The following CELF2 variants were observed in gnomAD, a reference collection of about 807,000 sequenced individuals.
CELF2 encodes CUGBP Elav-like family member 2, also known as CUG triplet repeat RNA-binding protein 2.
A neutral mutation model predicts 62.6 loss-of-function variants in CELF2; 8 were observed. The observed-to-expected ratio is 0.13, with a 90% CI of 0.07 to 0.23. CELF2 has a LOEUF of 0.23. CELF2 is among the 10% of genes least tolerant of loss of function. The pLI is 1.00. For missense variants in CELF2, 333 were observed against 671.0 expected (o/e 0.50, Z 5.56); for synonymous variants, 258 against 250.0 (o/e 1.03, Z -0.30).
chr10:10,509,714 A>G, the CELF2 span, among the ~76,000 whole-genome samples: 2 of 152,216 alleles, frequency 1.3e-5, no homozygotes, highest in African/African-American at 2.4e-5. Flanking sequence ...CTTGTCAAAG[A>G]GGCCCTTTGA....
rs1290115602 is a variant in CELF2 at position 11,075,879 on chromosome 10, T to G, written c.74+57716T>G. Among the ~76,000 whole-genome samples the G allele has an allele frequency of 6.6e-6, 1 of 152,164 alleles. No individual in the cohort carries two copies. The highest frequency in any genetic ancestry group is 6.5e-5 in the Admixed American group (1 of 15,270). On this transcript the variant is annotated intron_variant, in intron 1 of 12. Transcript: ENST00000633077. The surrounding 1 kb of genome is among the most constrained non-coding windows in gnomAD (Gnocchi z 5.4). Reference sequence around the variant, plus strand: ...ATTAATCTCAATTAATTAAAATGTTTAATAAACTGCCAACATCAGTATCTC... The same window carrying G: ...ATTAATCTCAATTAATTAAAATGTTGAATAAACTGCCAACATCAGTATCTC...
the CELF2 span, among the ~76,000 whole-genome samples, chr10:10,652,065 C>T: frequency 1.4e-5 from 2 of 146,088 alleles, no homozygotes; most frequent in Admixed American, 1.4e-4. Flanking sequence ...TCGAGAACTA[C>T]GTGAAGAATG....
chr10:10,727,113 C>G, the CELF2 span, among the ~76,000 whole-genome samples: 62 of 152,318 alleles, frequency 4.1e-4, no homozygotes, highest in South Asian at 0.013. Context: ...CAGATCACCT[C>G]CGGCCAGGCC....
chr10:10,936,305 G>A lies in CELF2; in HGVS notation c.89+16306G>A, dbSNP rs879207786. Among the ~76,000 whole-genome samples, 2 of 152,218 alleles carry A rather than the reference G, an allele frequency of 1.3e-5. No homozygotes were observed. Among genetic ancestry groups the A allele is most frequent in the Admixed American group, 1.3e-4 (2 of 15,274 alleles). On this transcript the variant is annotated intron_variant, in intron 2 of 13. Transcript: ENST00000636488. The surrounding 1 kb of genome is among the most constrained non-coding windows in gnomAD (Gnocchi z 4.0). Reference sequence around the variant, plus strand: ...CATAAAGATTGTCCAAGATCACAGAGTAATCTGCATAATTGTGCAAAAATT... The same window carrying A: ...CATAAAGATTGTCCAAGATCACAGAATAATCTGCATAATTGTGCAAAAATT...
rs948541598 is a variant in CELF2, at chr10:11,309,565, C to T, written c.977-4574C>T. Among the ~76,000 whole-genome samples, 16 of 152,240 alleles carry T rather than the reference C, an allele frequency of 1.1e-4. No homozygotes were observed. The highest frequency in any genetic ancestry group is 4.1e-4 in the South Asian group (2 of 4,826). On this transcript the variant is annotated intron_variant, in intron 9 of 12. Coordinates refer to ENST00000633077, the MANE Select transcript of CELF2 (RefSeq NM_001326342.2). The surrounding 1 kb of genome is among the most constrained non-coding windows in gnomAD (Gnocchi z 5.6). ...GCCTCCACTAATCTTCAGTTGTTTGCGCTATTATTTTTGGCCCAGGAGCAT... is the reference window on the plus strand; with the variant it reads ...GCCTCCACTAATCTTCAGTTGTTTGTGCTATTATTTTTGGCCCAGGAGCAT...
At chr10:10,825,981 C>T (rs1454163463) in intron 1 of CELF2, among the ~76,000 whole-genome samples, 1 of 152,164 alleles carries the variant, frequency 6.6e-6, no homozygotes, top group South Asian at 2.1e-4. Flanking sequence ...CTGCCAGGAG[C>T]TGTACTAAGA....
At chr10:10,796,121 G>C (rs2054125842), upstream of CELF2, among the ~76,000 whole-genome samples, 1 of 152,206 alleles carries the variant, frequency 6.6e-6, no homozygotes, top group Non-Finnish European at 1.5e-5. Flanking sequence ...GAAGTGCTGT[G>C]TGGCGGTTAC....
the CELF2 span, among the ~76,000 whole-genome samples, chr10:10,590,025 G>C: frequency 6.6e-6 from 1 of 152,120 alleles, no homozygotes; most frequent in Non-Finnish European, 1.5e-5. Flanking sequence ...GTCTCTGCCC[G>C]GGGTGCTCAG....
the CELF2 span, among the ~76,000 whole-genome samples, chr10:10,695,980 A>G: frequency 1.1e-4 from 16 of 151,668 alleles, no homozygotes; most frequent in Non-Finnish European, 1.9e-4. Context: ...GAGTAATTTG[A>G]TCATCTGAAG....
chr10:11,333,637 T>C lies in CELF2; in HGVS notation c.*4584T>C, dbSNP rs1285759846. Reference sequence around the variant, plus strand: ...TATTTGTTTTTTTGTGCTGTGAGAATTGATGTTTGTAGATTAATAATCATT... The same window carrying C: ...TATTTGTTTTTTTGTGCTGTGAGAACTGATGTTTGTAGATTAATAATCATT... On this transcript the variant is annotated 3_prime_UTR_variant, in exon 13 of 13. Coordinates refer to ENST00000633077, the MANE Select transcript of CELF2 (RefSeq NM_001326342.2). 6.6e-6 allele frequency: 1 copy of C among 152,622 alleles called. No homozygotes were observed. Among genetic ancestry groups the C allele is most frequent in the African/African-American group, 2.4e-5 (1 of 41,460 alleles). The allele number at this position is 152,622 out of a possible 1,614,324, so 9.5% of individuals were successfully genotyped here. A position where few individuals can be genotyped will look rare whatever the true frequency, so the allele number is the denominator to read the frequency against.
At chr10:11,180,477 A>G (rs992989703) in intron 2 of CELF2, among the ~76,000 whole-genome samples, 3 of 152,116 alleles carry the variant, frequency 2.0e-5, no homozygotes, top group East Asian at 1.9e-4. Flanking sequence ...CAGTGTCTGG[A>G]CTCGGTAAAA....
At chr10:10,984,198 C>G (rs1305529824) in intron 2 of CELF2, among the ~76,000 whole-genome samples, 4 of 152,226 alleles carry the variant, frequency 2.6e-5, no homozygotes, top group African/African-American at 9.6e-5. Context: ...TACTGAAGGA[C>G]ACACAGAGGG....
intron 8 of CELF2, among the ~76,000 whole-genome samples, chr10:11,286,571 G>C (rs182810940): frequency 2.0e-5 from 3 of 152,228 alleles, no homozygotes; most frequent in African/African-American, 7.2e-5. Context: ...GGCCATGTTG[G>C]TCTGCAGTAG....
At chr10:11,183,450 A>G (rs75752129) in intron 2 of CELF2, among the ~76,000 whole-genome samples, 1,692 of 152,342 alleles carry the variant, frequency 0.011, 30 homozygotes, top group African/African-American at 0.039. Flanking sequence ...TTTGTCGCTC[A>G]GCTAGACACC....
chr10:11,309,917 GTC>G lies in CELF2; in HGVS notation c.977-4217_977-4216del, dbSNP rs2094471789. On this transcript the variant is annotated intron_variant, in intron 9 of 12. Transcript: ENST00000633077. The surrounding 1 kb of genome is among the most constrained non-coding windows in gnomAD (Gnocchi z 5.6). Reference sequence around the variant, plus strand: ...ACAGAGCCCTTTGTTCTTGTGACCTGTCTCTCCCTGCTCTGGAGGTGGTGCAG... The same window carrying G: ...ACAGAGCCCTTTGTTCTTGTGACCTGTCTCCCTGCTCTGGAGGTGGTGCAG... Among the ~76,000 whole-genome samples the G allele has an allele frequency of 6.6e-6, 1 of 152,340 alleles. No homozygotes were observed. The highest frequency in any genetic ancestry group is 1.5e-5 in the Non-Finnish European group (1 of 68,034).
intron 2 of CELF2, among the ~76,000 whole-genome samples, chr10:10,965,334 A>G (rs895444678): frequency 3.3e-5 from 5 of 152,194 alleles, no homozygotes; most frequent in Admixed American, 3.3e-4. Context: ...TTCATTCTTG[A>G]GGCTATTTTT....
chr10:10,587,646 T>C, the CELF2 span, among the ~76,000 whole-genome samples: 1 of 152,244 alleles, frequency 6.6e-6, no homozygotes, highest in African/African-American at 2.4e-5. Flanking sequence ...GAGATCTATC[T>C]GTCCTTGTCC....
chr10:10,851,907 G>A (rs1248192302), intron 1 of CELF2, among the ~76,000 whole-genome samples: 1 of 152,174 alleles, frequency 6.6e-6, no homozygotes, highest in East Asian at 1.9e-4. Context: ...ACCTGTTCCT[G>A]CACACCTATT....
intron 2 of CELF2, among the ~76,000 whole-genome samples, chr10:10,943,388 G>A (rs1365088229): frequency 6.6e-6 from 1 of 152,148 alleles, no homozygotes; most frequent in Non-Finnish European, 1.5e-5. Flanking sequence ...AAAGCCATGT[G>A]GACCCAAGAG....
Sources: gnomAD v4.1 joint callset for allele counts (sites outside exome capture counted in the v4.1 genomes callset) on GRCh38, gnomAD v4.1.1 for gene constraint, Gnocchi (gnomAD v3.1) non-coding constraint, MANE v1.5 for transcripts, NCBI Gene and HGNC (gene_info 2026-07-23, HGNC 2026-07-21) for gene names.